The following UBL3 variants were observed in gnomAD, a reference collection of about 807,000 sequenced individuals.
The protein encoded by UBL3 is ubiquitin like 3, also known as ubiquitin-like protein 3.
In UBL3, 6 loss-of-function variants were observed where a neutral mutation model predicts 18.4. The observed-to-expected ratio is 0.33, with a 90% CI of 0.18 to 0.64. UBL3 has a LOEUF of 0.64. Ranked by LOEUF, UBL3 falls within the 30% of genes least tolerant of loss-of-function variation. The probability of loss-of-function intolerance (pLI) is 0.76; values close to 1 mark genes in which losing one functional copy is unlikely to be tolerated. For synonymous variants in UBL3, 49 were observed against 46.6 expected, an observed-to-expected ratio of 1.05 and a Z score of -0.21; for missense variants, 109 against 142.9, an observed-to-expected ratio of 0.76 and a Z score of 1.21.
chr13:29,779,256 C>T, intron 1 of UBL3: 1 of 505,412 alleles, frequency 2.0e-6, no homozygotes, highest in South Asian at 1.5e-5. Context: ...TACATTACTA[C>T]TCATGGTTTT....
At chr13:29,835,134 ATATATATATATATATATATATAT>A (rs1878912957) in intron 1 of UBL3, among the ~76,000 whole-genome samples, 1 of 7,422 alleles carries the variant, frequency 1.3e-4, no homozygotes, top group African/African-American at 6.3e-4. Context: ...AAATATATAT[ATATATATATATATATATATATAT>A]ATATATATAT....
chr13:29,809,779 T>C (rs1877991824), intron 1 of UBL3, among the ~76,000 whole-genome samples: 1 of 152,088 alleles, frequency 6.6e-6, no homozygotes, highest in Admixed American at 6.6e-5. Flanking sequence ...CGCCCACAGA[T>C]AACAAAAACC....
intron 1 of UBL3, among the ~76,000 whole-genome samples, chr13:29,809,356 G>A (rs954819292): frequency 1.3e-5 from 2 of 151,976 alleles, no homozygotes; most frequent in African/African-American, 2.4e-5. Context: ...AAACTCCAAA[G>A]CAGAAAAGAA....
intron 1 of UBL3, among the ~76,000 whole-genome samples, chr13:29,847,319 A>T (rs1248934649): frequency 6.6e-6 from 1 of 152,260 alleles, no homozygotes; most frequent in East Asian, 1.9e-4. Context: ...AAATAGCATC[A>T]TCAGGGCATT....
chr13:29,796,988 T>C (rs1057010267), intron 1 of UBL3, among the ~76,000 whole-genome samples: 9 of 152,162 alleles, frequency 5.9e-5, no homozygotes, highest in East Asian at 3.9e-4. Flanking sequence ...AAAGAGAACA[T>C]AGTCTAAATG....
intron 1 of UBL3, among the ~76,000 whole-genome samples, chr13:29,805,936 G>A (rs956227232): frequency 1.3e-5 from 2 of 152,140 alleles, no homozygotes; most frequent in African/African-American, 4.8e-5. Flanking sequence ...CAGCACTTTG[G>A]AGGCCAAGGT....
At chr13:29,782,330 C>G (rs1463555898) in intron 1 of UBL3, among the ~76,000 whole-genome samples, 1 of 152,094 alleles carries the variant, frequency 6.6e-6, no homozygotes, top group Non-Finnish European at 1.5e-5. Context: ...TGGGTTCCTG[C>G]CACAAAATTC....
At chr13:29,804,494 A>G (rs1274865296) in intron 1 of UBL3, among the ~76,000 whole-genome samples, 4 of 152,150 alleles carry the variant, frequency 2.6e-5, no homozygotes, top group Admixed American at 2.6e-4. Context: ...AATGAAGGAA[A>G]CTGAGATGTG....
chr13:29,778,057 G>A (rs1463705560), intron 1 of UBL3, among the ~76,000 whole-genome samples: 1 of 152,132 alleles, frequency 6.6e-6, no homozygotes, highest in Admixed American at 6.5e-5. Flanking sequence ...GTGAGCCACT[G>A]TGCCCAGCCA....
intron 1 of UBL3, among the ~76,000 whole-genome samples, chr13:29,832,314 C>T (rs1878797394): frequency 6.6e-6 from 1 of 151,048 alleles, no homozygotes; most frequent in Non-Finnish European, 1.5e-5. Context: ...GCTAAGATTC[C>T]AATCCTTTTA....
In UBL3 at chr13:29,850,118, C is replaced by G. The variant is rs1420313743; in HGVS notation, c.-580G>C. 4.6e-5 allele frequency: 7 copies of G among 152,354 alleles called. No homozygotes were observed. Among genetic ancestry groups the G allele is most frequent in the African/African-American group, 1.7e-4 (7 of 41,444 alleles). 9.4% of individuals were successfully genotyped at this position (152,354 alleles called of 1,614,324 possible). On this transcript the variant is annotated 5_prime_UTR_variant, in exon 1 of 5. It removes the in-frame stop codon of an upstream open reading frame in the 5' UTR. Coordinates refer to ENST00000380680, the MANE Select transcript of UBL3 (RefSeq NM_007106.4). ...GCGCGGACAGCGCGGGGAAACGGCT[C>G]AACTCGCGCCGCGGGGGCGAAGAGC...
intron 1 of UBL3, among the ~76,000 whole-genome samples, chr13:29,822,475 G>C (rs1241791886): frequency 1.3e-5 from 2 of 152,206 alleles, no homozygotes; most frequent in Non-Finnish European, 2.9e-5. Flanking sequence ...AAATAGTCTA[G>C]TTTAGGAGAG....
intron 1 of UBL3, among the ~76,000 whole-genome samples, chr13:29,832,371 C>T (rs972871157): frequency 4.7e-5 from 7 of 148,640 alleles, no homozygotes; most frequent in Admixed American, 4.0e-4. Flanking sequence ...CTCGCTCTTT[C>T]GCCCAGGCCA....
chr13:29,809,757 C>T (rs567554617), intron 1 of UBL3, among the ~76,000 whole-genome samples: 9 of 152,220 alleles, frequency 5.9e-5, no homozygotes, highest in African/African-American at 2.2e-4. Context: ...CAGGACCCTG[C>T]CTTCTGACCC....
intron 1 of UBL3, among the ~76,000 whole-genome samples, chr13:29,840,006 C>G (rs1222792417): frequency 6.7e-6 from 1 of 149,434 alleles, no homozygotes; most frequent in African/African-American, 2.4e-5. Context: ...TCTCAAAAAA[C>G]TTTTAAAAGT....
At chr13:29,796,926 A>C (rs142678440) in intron 1 of UBL3, among the ~76,000 whole-genome samples, 1 of 152,212 alleles carries the variant, frequency 6.6e-6, no homozygotes, top group Non-Finnish European at 1.5e-5. Context: ...ATTTAGAAAA[A>C]TAACAGGAAG....
chr13:29,846,973 G>A (rs1879242887), intron 1 of UBL3, among the ~76,000 whole-genome samples: 1 of 152,144 alleles, frequency 6.6e-6, no homozygotes, highest in South Asian at 2.1e-4. Flanking sequence ...GTGGTGAGAG[G>A]AGCTCTTCAA....
At chr13:29,846,116 A>G (rs1216792596) in intron 1 of UBL3, among the ~76,000 whole-genome samples, 1 of 152,120 alleles carries the variant, frequency 6.6e-6, no homozygotes, top group East Asian at 1.9e-4. Context: ...TCACACTGCA[A>G]CTATAAACAA....
rs375976506 is a variant in UBL3, at chr13:29,781,577, G to A, written c.28-4314C>T. On this transcript the variant is annotated intron_variant, in intron 1 of 4. Coordinates refer to ENST00000380680, the MANE Select transcript of UBL3 (RefSeq NM_007106.4). ...AAGCATATCAATTGTAATAAATACC[G>A]CTCTGGTGGGGGAACGCTGATAATA... Among the ~76,000 whole-genome samples the A allele has an allele frequency of 1.9e-3, 291 of 152,000 alleles. 1 individual carries two copies. The highest frequency in any genetic ancestry group is 6.7e-3 in the African/African-American group (276 of 41,454).
Sources: allele counts gnomAD v4.1 joint callset (sites outside exome capture counted in the v4.1 genomes callset), GRCh38; gene constraint gnomAD v4.1.1; transcripts MANE v1.5; gene names NCBI Gene and HGNC (gene_info 2026-07-23, HGNC 2026-07-21).